SMAD6: variants seen among roughly 807,000 people sequenced by gnomAD.
SMAD6 encodes the protein SMAD family member 6.
In SMAD6, 103 loss-of-function variants were observed where a neutral mutation model predicts 39.4. The ratio of observed to expected loss-of-function variants is 2.62; its 90% confidence interval spans 2.23 to 3.08. SMAD6 has a LOEUF of 3.08. SMAD6 is among the 30% of genes most tolerant of loss of function. The probability of loss-of-function intolerance (pLI) is 0.00; values close to 1 mark genes in which losing one functional copy is unlikely to be tolerated. For missense variants in SMAD6, 1,104 were observed against 742.9 expected (o/e 1.49, Z -5.65); for synonymous variants, 445 against 353.3 (o/e 1.26, Z -2.91).
chr15:66,743,189 C>T (rs1263468731), intron 3 of SMAD6, among the ~76,000 whole-genome samples: 1 of 152,158 alleles, frequency 6.6e-6, no homozygotes, highest in African/African-American at 2.4e-5. Flanking sequence ...ATCCTGAGAG[C>T]TCCCTGCAGT....
At chr15:66,736,098 A>G (rs1893708310) in intron 3 of SMAD6, among the ~76,000 whole-genome samples, 1 of 152,186 alleles carries the variant, frequency 6.6e-6, no homozygotes, top group Admixed American at 6.5e-5. Flanking sequence ...GCCGTATGCC[A>G]AGCATCTTGC....
intron 3 of SMAD6, among the ~76,000 whole-genome samples, chr15:66,728,401 T>G (rs1009712050): frequency 3.2e-5 from 3 of 92,622 alleles, no homozygotes; most frequent in Admixed American, 3.3e-4. Flanking sequence ...CATCCTTTTG[T>G]TTTTTTTTTG....
rs147797847 is a variant in SMAD6 at position 66,747,486 on chromosome 15, C to T, written c.952+30988C>T. 1.4e-3 allele frequency among the ~76,000 whole-genome samples: 212 copies of T among 152,366 alleles called. 4 individuals are homozygous for T. The East Asian group carries it at 0.034, about 25-fold the overall frequency. On this transcript the variant is annotated intron_variant, in intron 3 of 3. Coordinates refer to ENST00000288840, the MANE Select transcript of SMAD6 (RefSeq NM_005585.5). The surrounding 1 kb of genome is among the most constrained non-coding windows in gnomAD (Gnocchi z 4.5). ...TTCTCTTCTGGGTGTTCCCTCAGGG[C>T]GTTCAGGGGCTTCATGGTCAGGAGG... is the stretch of plus-strand genomic sequence containing the variant.
chr15:66,772,612 T>G (rs1260087935), intron 3 of SMAD6, among the ~76,000 whole-genome samples: 1 of 152,198 alleles, frequency 6.6e-6, no homozygotes, highest in African/African-American at 2.4e-5. Flanking sequence ...ACTTATGCAG[T>G]GCCTATTTTG....
intron 3 of SMAD6, among the ~76,000 whole-genome samples, chr15:66,738,434 G>A (rs1893752103): frequency 6.6e-6 from 1 of 152,204 alleles, no homozygotes; most frequent in Non-Finnish European, 1.5e-5. Flanking sequence ...AGGGGGTTGT[G>A]AGAGGAGTGT....
At position 66,703,695 on chromosome 15, in the gene SMAD6, C is replaced by T. The variant is rs1390570601; in HGVS notation, c.437C>T (p.Ala146Val). The change falls in exon 1 of 4, where the codon GCC (alanine) becomes GTC (valine). Residue 146 changes from alanine to valine, a missense_variant. Coordinates refer to ENST00000288840, the MANE Select transcript of SMAD6 (RefSeq NM_005585.5). ...CCCCGGGACGCCAGCGACCCCCTGG[C>T]CGGGGCGGCCCTGGAGCCGGCGGGC... ...GAPRDASDPL[A>V]GAALEPAGGG... The T allele has an allele frequency of 3.2e-6, 4 of 1,264,620 alleles. No homozygotes were observed. Among genetic ancestry groups the T allele is most frequent in the East Asian group, 3.4e-5 (1 of 29,634 alleles). 78.3% of individuals were successfully genotyped at this position (1,264,620 alleles called of 1,614,324 possible).
intron 3 of SMAD6, among the ~76,000 whole-genome samples, chr15:66,720,009 C>T (rs902394325): frequency 1.3e-5 from 2 of 152,104 alleles, no homozygotes; most frequent in Non-Finnish European, 2.9e-5. Flanking sequence ...AATGGAAAGC[C>T]TAGAACTTTT....
chr15:66,710,608 AGTTT>A (rs747836381), intron 1 of SMAD6, among the ~76,000 whole-genome samples: 3 of 149,730 alleles, frequency 2.0e-5, no homozygotes, highest in African/African-American at 5.0e-5. Flanking sequence ...TACCACTGAG[AGTTT>A]GTTTTAGTTT....
intron 3 of SMAD6, among the ~76,000 whole-genome samples, chr15:66,775,622 C>T (rs1894453870): frequency 6.6e-6 from 1 of 152,204 alleles, no homozygotes. Flanking sequence ...CCTCCTCCCC[C>T]TGGAACCCTC....
chr15:66,705,421 T>A (rs371667101), intron 1 of SMAD6: 1 of 152,212 alleles, frequency 6.6e-6, no homozygotes, highest in African/African-American at 2.4e-5. Flanking sequence ...CAGCCCCTGA[T>A]CTGTGGCTCA....
chr15:66,763,846 G>A (rs1422732812), intron 3 of SMAD6, among the ~76,000 whole-genome samples: 1 of 152,240 alleles, frequency 6.6e-6, no homozygotes, highest in Non-Finnish European at 1.5e-5. Context: ...GAGCCCCCTG[G>A]CCAAACGCCC....
chr15:66,716,031 A>C (rs1893322688), intron 2 of SMAD6, among the ~76,000 whole-genome samples: 1 of 152,160 alleles, frequency 6.6e-6, no homozygotes, highest in African/African-American at 2.4e-5. Context: ...AGAAGGAACA[A>C]CTTCAAGAAT....
chr15:66,703,274 C>T lies in SMAD6; in HGVS notation c.16C>T (p.Arg6Cys), dbSNP rs762143900. The change falls in exon 1 of 4, where the codon CGC (arginine) becomes TGC (cysteine). Residue 6 changes from arginine to cysteine, a missense_variant. Transcript: ENST00000288840. MFRSK[R>C]SGLVRRLWRS... is the part of the protein sequence containing the mutation. Reference sequence around the variant, plus strand: ...AGGATATCGTATGTTCAGGTCCAAACGCTCGGGGCTGGTGCGGCGACTTTG... The same window carrying T: ...AGGATATCGTATGTTCAGGTCCAAATGCTCGGGGCTGGTGCGGCGACTTTG... 2.7e-6 allele frequency: 4 copies of T among 1,481,810 alleles called. No homozygotes were observed. The highest frequency in any genetic ancestry group is 1.3e-5 in the South Asian group (1 of 76,902). 91.8% of individuals were successfully genotyped at this position (1,481,810 alleles called of 1,614,324 possible). A position where few individuals can be genotyped will look rare whatever the true frequency, so the allele number is the denominator to read the frequency against.
chr15:66,703,262 T>G lies in SMAD6; in HGVS notation c.4T>G (p.Phe2Val). 1 of 1,468,464 alleles carries G rather than the reference T, an allele frequency of 6.8e-7. No homozygotes were observed. Among genetic ancestry groups the G allele is most frequent in the Non-Finnish European group, 9.0e-7 (1 of 1,108,378 alleles). The allele number at this position is 1,468,464 out of a possible 1,614,324, so 91.0% of individuals were successfully genotyped here. The change falls in exon 1 of 4, where the codon TTC becomes GTC. Residue 2 changes from phenylalanine (F) to valine (V), a missense_variant. Transcript: ENST00000288840. ...CCCTGGCGCCAAAGGATATCGTATG[T>G]TCAGGTCCAAACGCTCGGGGCTGGT... M[F>V]RSKRSGLVRR...
chr15:66,776,976 G>A (rs773758132), intron 3 of SMAD6, among the ~76,000 whole-genome samples: 3 of 152,144 alleles, frequency 2.0e-5, no homozygotes, highest in Admixed American at 6.5e-5. Context: ...GGTCGAGGCC[G>A]CAGTGAGCCA....
intron 3 of SMAD6, among the ~76,000 whole-genome samples, chr15:66,723,484 C>G (rs1014334791): frequency 2.0e-5 from 3 of 151,942 alleles, no homozygotes; most frequent in Non-Finnish European, 4.4e-5. Context: ...TGAGACCAGC[C>G]GGGGGCAACA....
chr15:66,710,555 T>C (rs978888440), intron 1 of SMAD6, among the ~76,000 whole-genome samples: 9 of 152,204 alleles, frequency 5.9e-5, no homozygotes, highest in African/African-American at 1.4e-4. Flanking sequence ...AAAACACTTA[T>C]TACCCCTTGT....
Position 66,703,512 on chromosome 15 carries a change from G to T in SMAD6, c.254G>T (p.Arg85Leu). 8.2e-7 allele frequency: 1 copy of T among 1,223,016 alleles called. No homozygotes were observed. The highest frequency in any genetic ancestry group is 1.0e-6 in the Non-Finnish European group (1 of 979,434). 75.8% of individuals were successfully genotyped at this position (1,223,016 alleles called of 1,614,324 possible). ...GCCCAGGGCGCGGGGAGGCGCCGGC[G>T]CGCAGGGGGCCCCCCGAGGCCCATG... is the stretch of plus-strand genomic sequence containing the variant. ...RGAQGAGRRR[R>L]AGGPPRPMSE... is the part of the protein sequence containing the mutation. Residue 85 changes from arginine (R) to leucine (L), a missense_variant, in exon 1 of 4, where the codon CGC (arginine) becomes CTC (leucine). Arg to Leu is a moderately radical substitution (Grantham distance 102). Transcript: ENST00000288840.
At chr15:66,748,365 C>T (rs1893943080) in intron 3 of SMAD6, among the ~76,000 whole-genome samples, 1 of 152,092 alleles carries the variant, frequency 6.6e-6, no homozygotes, top group South Asian at 2.1e-4. Flanking sequence ...CCTGTATAGT[C>T]CGGGATTATT....
Sources: allele counts gnomAD v4.1 joint callset (sites outside exome capture counted in the v4.1 genomes callset), GRCh38; gene constraint gnomAD v4.1.1; non-coding constraint Gnocchi (gnomAD v3.1); transcripts MANE v1.5; gene names NCBI Gene and HGNC (gene_info 2026-07-23, HGNC 2026-07-21).